Variants in WIPF1 observed in about 807,000 individuals in gnomAD.
WIPF1 encodes the protein WAS/WASL interacting protein family member 1.
WIPF1 carries 13 observed loss-of-function variants against 35.4 expected under a neutral mutation model. The ratio of observed to expected loss-of-function variants is 0.37; its 90% confidence interval spans 0.24 to 0.58. WIPF1 has a LOEUF of 0.58. Ranked by LOEUF, WIPF1 falls within the 20% of genes least tolerant of loss-of-function variation. WIPF1 has a pLI of 0.74. For missense variants in WIPF1, 591 were observed against 667.0 expected (o/e 0.89, Z 1.25); for synonymous variants, 267 against 266.3 (o/e 1.00, Z -0.02).
Position 174,617,508 on chromosome 2 carries a change from G to A in WIPF1, c.-38-31897C>T, listed in dbSNP as rs139349042. 2.0e-3 allele frequency among the ~76,000 whole-genome samples: 304 copies of A among 152,268 alleles called. 4 individuals are homozygous for A. The highest frequency in any genetic ancestry group is 0.014 in the Admixed American group (217 of 15,292). On this transcript the variant is annotated intron_variant, in intron 1 of 8. Transcript: ENST00000272746. ...TGCTTAATACTGAGCTATAGGCATC[G>A]GAGCAAATGGTAATTTCTATCAGTC...
chr2:174,591,295 C>T (rs943661519), intron 1 of WIPF1, among the ~76,000 whole-genome samples: 2 of 152,180 alleles, frequency 1.3e-5, no homozygotes, highest in Non-Finnish European at 2.9e-5. Flanking sequence ...TTTATTATGG[C>T]AGTCCTAGCA....
intron 1 of WIPF1, among the ~76,000 whole-genome samples, chr2:174,655,233 C>T (rs1687617057): frequency 6.6e-6 from 1 of 152,160 alleles, no homozygotes; most frequent in Non-Finnish European, 1.5e-5. Flanking sequence ...CCCCTGAGAT[C>T]CATACCATTG....
chr2:174,563,819 T>A (rs932581434), intron 7 of WIPF1, among the ~76,000 whole-genome samples: 1 of 152,176 alleles, frequency 6.6e-6, no homozygotes, highest in African/African-American at 2.4e-5. Context: ...ATTCCTCAAG[T>A]AGGCATCTTG....
chr2:174,608,651 C>G (rs561827005), intron 1 of WIPF1, among the ~76,000 whole-genome samples: 1 of 152,138 alleles, frequency 6.6e-6, no homozygotes, highest in Non-Finnish European at 1.5e-5. Context: ...AAGGGAGAAA[C>G]TGGTGGAAAG....
intron 1 of WIPF1, among the ~76,000 whole-genome samples, chr2:174,636,821 TAAAGTGCC>T (rs1687192049): frequency 6.6e-6 from 1 of 152,246 alleles, no homozygotes; most frequent in African/African-American, 2.4e-5. Context: ...ATCACACAGA[TAAAGTGCC>T]ATTTTAGTCA....
chr2:174,572,361 C>T lies in WIPF1; in HGVS notation c.444G>A (p.Gly148=), dbSNP rs775776669. Residue 148 remains glycine (G), a synonymous_variant, in exon 5 of 8, where the codon GGG becomes GGA. Transcript: ENST00000679041. ...GGCCTGGAGAAGGCACAGGAAACCT[C>T]CCTGGGCCACTTGGGGGTGAAAAGG... The part of the protein sequence containing the change: ...AKPFSPPSGP[G]RFPVPSPGHR... The T allele has an allele frequency of 2.3e-5, 37 of 1,613,980 alleles. No individual in the cohort carries two copies. The highest frequency in any genetic ancestry group is 3.0e-5 in the Non-Finnish European group (35 of 1,180,016).
chr2:174,588,568 G>A (rs933447423), intron 1 of WIPF1, among the ~76,000 whole-genome samples: 5 of 152,160 alleles, frequency 3.3e-5, no homozygotes, highest in African/African-American at 1.2e-4. Flanking sequence ...AGTACTGTCT[G>A]TGCACTAACT....
intron 1 of WIPF1, chr2:174,677,151 C>CAAAAA (rs35183461): frequency 6.9e-6 from 1 of 144,192 alleles, no homozygotes; most frequent in African/African-American, 2.5e-5. Flanking sequence ...GAAACTGTCT[C>CAAAAA]AAAAAAAAAA....
chr2:174,672,090 T>C (rs527547123), intron 1 of WIPF1, among the ~76,000 whole-genome samples: 4 of 152,058 alleles, frequency 2.6e-5, no homozygotes, highest in Admixed American at 6.5e-5. Context: ...CTTTAAAATT[T>C]CTCTCTTTTG....
At chr2:174,620,264 C>T (rs1243291996) in intron 1 of WIPF1, among the ~76,000 whole-genome samples, 1 of 152,120 alleles carries the variant, frequency 6.6e-6, no homozygotes, top group Non-Finnish European at 1.5e-5. Context: ...AGTTAAATGA[C>T]CTGGGTAATA....
intron 1 of WIPF1, among the ~76,000 whole-genome samples, chr2:174,637,800 A>G (rs1559169076): frequency 6.6e-6 from 1 of 152,208 alleles, no homozygotes; most frequent in Non-Finnish European, 1.5e-5. Flanking sequence ...AAAACAAAAA[A>G]CAAAAAAAAC....
At chr2:174,675,916 G>A (rs1400809951) in intron 1 of WIPF1, among the ~76,000 whole-genome samples, 1 of 84,526 alleles carries the variant, frequency 1.2e-5, no homozygotes, top group African/African-American at 4.3e-5. Flanking sequence ...GATGTTACCC[G>A]ATTTCTTTTT....
At chr2:174,643,373 C>A (rs1344652254) in intron 1 of WIPF1, among the ~76,000 whole-genome samples, 1 of 149,070 alleles carries the variant, frequency 6.7e-6, no homozygotes, top group Non-Finnish European at 1.5e-5. Context: ...TGAAAAACTT[C>A]ATTTGTATTT....
Position 174,651,859 on chromosome 2 carries a change from T to C in WIPF1, c.-39+30915A>G, listed in dbSNP as rs184878204. On this transcript the variant is annotated intron_variant, in intron 1 of 8. Transcript: ENST00000272746. The stretch of plus-strand genomic sequence containing the variant: ...GCTATTCTCTGTTCCATAATATCTG[T>C]GGTCTTAGCTGGGGTCACTTGATGA... 1.9e-3 allele frequency among the ~76,000 whole-genome samples: 287 copies of C among 152,346 alleles called. 3 individuals carry two copies. The highest frequency in any genetic ancestry group is 1.8e-4 in the Non-Finnish European group (12 of 68,024).
chr2:174,580,672 T>C (rs781263566), intron 3 of WIPF1, among the ~76,000 whole-genome samples: 1 of 152,238 alleles, frequency 6.6e-6, no homozygotes, highest in Non-Finnish European at 1.5e-5. Flanking sequence ...GATTATTTTT[T>C]GTCCTGTTGT....
chr2:174,593,218 ATC>A (rs147778511), intron 1 of WIPF1, among the ~76,000 whole-genome samples: 4 of 151,750 alleles, frequency 2.6e-5, no homozygotes, highest in Non-Finnish European at 5.9e-5. Context: ...GTACATGTAC[ATC>A]TCTCTCTCTC....
chr2:174,633,452 A>C (rs1687088730), intron 1 of WIPF1, among the ~76,000 whole-genome samples: 1 of 152,196 alleles, frequency 6.6e-6, no homozygotes. Context: ...AACACAGTCA[A>C]AGATGCCGTC....
chr2:174,669,025 A>G (rs11675884), intron 1 of WIPF1, among the ~76,000 whole-genome samples: 42,243 of 152,194 alleles, frequency 0.28, 7,028 homozygotes, highest in East Asian at 0.68. Flanking sequence ...GAGGGTGGTT[A>G]CATGGGTTCA....
At chr2:174,563,602 T>C (rs1222670619) in intron 7 of WIPF1, among the ~76,000 whole-genome samples, 1 of 152,132 alleles carries the variant, frequency 6.6e-6, no homozygotes. Context: ...AAGCTATTCA[T>C]GGGCTATCAG....
Sources: allele counts gnomAD v4.1 joint callset (sites outside exome capture counted in the v4.1 genomes callset), GRCh38; gene constraint gnomAD v4.1.1; transcripts MANE v1.5; gene names NCBI Gene and HGNC (gene_info 2026-07-23, HGNC 2026-07-21).